Variants in DTWD2 observed in about 807,000 individuals in gnomAD.
The protein encoded by DTWD2 is tRNA-uridine aminocarboxypropyltransferase 2.
Under a neutral mutation model 31.8 loss-of-function variants are expected in DTWD2, and 39 were observed. That is an observed-to-expected ratio of 1.22 (90% CI 0.95 to 1.60). DTWD2 has a LOEUF of 1.60. Among genes scored for constraint, DTWD2 ranks in the 40% most tolerant of loss-of-function variants. The pLI, the probability that DTWD2 is intolerant of heterozygous loss-of-function variation, is 0.00. For synonymous variants in DTWD2, 180 were observed against 142.8 expected (o/e 1.26, Z -1.86); for missense variants, 515 against 381.5 (o/e 1.35, Z -2.92).
intron 5 of DTWD2, among the ~76,000 whole-genome samples, chr5:118,846,990 T>C (rs1417569218): frequency 6.6e-6 from 1 of 150,610 alleles, no homozygotes; most frequent in Admixed American, 6.6e-5. Context: ...CCTAGTTTTT[T>C]CAAAAGAAGA....
rs113300513 is a variant in DTWD2 at position 118,915,626 on chromosome 5, G to A, written c.597+12911C>T. Among the ~76,000 whole-genome samples, 1,008 of 152,160 alleles carry A rather than the reference G, an allele frequency of 6.6e-3. 6 individuals are homozygous for A. Among genetic ancestry groups the A allele is most frequent in the African/African-American group, 0.023 (961 of 41,530 alleles). On this transcript the variant is annotated intron_variant, in intron 4 of 5. Transcript: ENST00000510708. ...CCTGACCTTGTGATCAGCCTGCCTC[G>A]GCCTCTCAAAGTGCTGGGATTACAG...
chr5:118,875,140 T>C (rs6870923), intron 4 of DTWD2, among the ~76,000 whole-genome samples: 21,508 of 152,090 alleles, frequency 0.14, 1,723 homozygotes, highest in African/African-American at 0.22. Flanking sequence ...AGTAAGATCA[T>C]TTTCAAACAA....
In DTWD2 at chr5:118,836,490, G is replaced by A. The variant is rs1751572832; in HGVS notation, c.*4427C>T. 6.6e-6 allele frequency among the ~76,000 whole-genome samples: 1 copy of A among 152,072 alleles called. No individual in the cohort carries two copies. The highest frequency in any genetic ancestry group is 6.6e-5 in the Admixed American group (1 of 15,264). ...CTGACCTCGTGATCTACCCACCTCG[G>A]CCTCCCAAAGTGCTGGAATTACAGA... On this transcript the variant is annotated 3_prime_UTR_variant, in exon 6 of 6. Coordinates refer to ENST00000510708, the MANE Select transcript of DTWD2 (RefSeq NM_173666.4).
intron 5 of DTWD2, among the ~76,000 whole-genome samples, chr5:118,843,498 A>G (rs2112668623): frequency 1.3e-5 from 2 of 152,262 alleles, no homozygotes; most frequent in South Asian, 4.1e-4. Flanking sequence ...TAAGAGAGGG[A>G]ATGCTAAAAT....
chr5:118,866,353 C>T (rs1044981082), intron 4 of DTWD2, among the ~76,000 whole-genome samples: 1 of 152,086 alleles, frequency 6.6e-6, no homozygotes, highest in African/African-American at 2.4e-5. Context: ...AGACAGCATA[C>T]TAGTGATTAC....
At chr5:118,915,914 A>C (rs1049843984) in intron 4 of DTWD2, among the ~76,000 whole-genome samples, 1 of 152,252 alleles carries the variant, frequency 6.6e-6, no homozygotes, top group African/African-American at 2.4e-5. Flanking sequence ...TCTGATATCC[A>C]AATAGGAACT....
chr5:118,938,290 G>T lies in DTWD2; in HGVS notation c.404+906C>A, dbSNP rs550856879. Among the ~76,000 whole-genome samples, 5 of 152,210 alleles carry T rather than the reference G, an allele frequency of 3.3e-5. No individual in the cohort carries two copies. In the East Asian group the frequency reaches 9.6e-4, roughly 29 times the overall value. On this transcript the variant is annotated intron_variant, in intron 3 of 5. Transcript: ENST00000510708. ...TGCAGATGACAATGCTGCTTACATA[G>T]AAAGTTCCAGGGAATCTACAAAACA... is the stretch of plus-strand genomic sequence containing the variant.
chr5:118,972,767 TTA>T (rs1402892616), intron 1 of DTWD2, among the ~76,000 whole-genome samples: 1 of 152,156 alleles, frequency 6.6e-6, no homozygotes, highest in Non-Finnish European at 1.5e-5. Context: ...ATCAAAAAGC[TTA>T]TCTGTCATGA....
chr5:118,849,484 T>C (rs1751947488), intron 4 of DTWD2, among the ~76,000 whole-genome samples: 1 of 152,312 alleles, frequency 6.6e-6, no homozygotes, highest in Middle Eastern at 3.4e-3. Flanking sequence ...CTCAACGATC[T>C]ACAACCAGAA....
At chr5:118,928,292 C>A (rs1384988124) in intron 4 of DTWD2, among the ~76,000 whole-genome samples, 1 of 151,868 alleles carries the variant, frequency 6.6e-6, no homozygotes, top group Admixed American at 6.6e-5. Flanking sequence ...AATGCCTCAA[C>A]TACAGTAAAA....
intron 1 of DTWD2, among the ~76,000 whole-genome samples, chr5:118,961,064 C>T (rs897907504): frequency 9.5e-6 from 1 of 105,376 alleles, no homozygotes; most frequent in East Asian, 3.5e-4. Context: ...ACATGTACCC[C>T]CAAAACTAAA....
intron 4 of DTWD2, among the ~76,000 whole-genome samples, chr5:118,883,621 G>T (rs925498361): frequency 6.6e-6 from 1 of 152,190 alleles, no homozygotes; most frequent in African/African-American, 2.4e-5. Context: ...CAAAGGGGAA[G>T]TAGGCACCTC....
intron 1 of DTWD2, among the ~76,000 whole-genome samples, chr5:118,964,481 T>C (rs1400874439): frequency 2.0e-5 from 3 of 152,152 alleles, no homozygotes; most frequent in African/African-American, 7.2e-5. Flanking sequence ...GGTCTCCCTC[T>C]GATGCCGAGC....
intron 1 of DTWD2, among the ~76,000 whole-genome samples, chr5:118,982,046 T>C (rs967212852): frequency 2.0e-5 from 3 of 152,204 alleles, no homozygotes; most frequent in African/African-American, 4.8e-5. Context: ...CTAAAGAGTC[T>C]ATAAAAGAGA....
At chr5:118,961,527 A>G (rs927146383) in intron 1 of DTWD2, among the ~76,000 whole-genome samples, 2 of 152,212 alleles carry the variant, frequency 1.3e-5, no homozygotes, top group Admixed American at 6.5e-5. Context: ...TATTGAATAA[A>G]TAATGATTGG....
chr5:118,867,364 A>C (rs188151398), intron 4 of DTWD2, among the ~76,000 whole-genome samples: 2 of 151,748 alleles, frequency 1.3e-5, no homozygotes, highest in Admixed American at 1.3e-4. Flanking sequence ...CCACAGGAGA[A>C]AAAAAAAACT....
chr5:118,972,933 T>A (rs1027159239), intron 1 of DTWD2, among the ~76,000 whole-genome samples: 1 of 152,208 alleles, frequency 6.6e-6, no homozygotes, highest in South Asian at 2.1e-4. Flanking sequence ...TGCATATATA[T>A]TTAGGATAGT....
At chr5:118,881,352 A>C (rs1580783976) in intron 4 of DTWD2, among the ~76,000 whole-genome samples, 2 of 152,208 alleles carry the variant, frequency 1.3e-5, no homozygotes, top group East Asian at 1.9e-4. Context: ...CTAATTTCAA[A>C]AAAATATAAT....
intron 4 of DTWD2, among the ~76,000 whole-genome samples, chr5:118,852,382 A>C (rs1322694655): frequency 6.6e-6 from 1 of 152,196 alleles, no homozygotes; most frequent in Non-Finnish European, 1.5e-5. Flanking sequence ...GACAGGTGTA[A>C]GAAATTATAA....
Sources: allele counts gnomAD v4.1 joint callset (sites outside exome capture counted in the v4.1 genomes callset), GRCh38; gene constraint gnomAD v4.1.1; transcripts MANE v1.5; gene names NCBI Gene and HGNC (gene_info 2026-07-23, HGNC 2026-07-21).